The following PBRM1 variants were observed in gnomAD, a reference collection of about 807,000 sequenced individuals.
PBRM1 encodes the protein polybromo 1, also known as protein polybromo-1.
A neutral mutation model predicts 194.5 loss-of-function variants in PBRM1; 27 were observed. That is an observed-to-expected ratio of 0.14 (90% CI 0.10 to 0.19). The LOEUF is 0.19. Among genes scored for constraint, PBRM1 ranks in the 10% least tolerant of loss-of-function variants. The pLI is 1.00. For missense variants in PBRM1, 1,466 were observed against 2,077.2 expected, an observed-to-expected ratio of 0.71 and a Z score of 5.72; for synonymous variants, 655 against 693.2, an observed-to-expected ratio of 0.94 and a Z score of 0.87.
chr3:52,619,573 T>TTAG (rs1292001495), intron 13 of PBRM1, among the ~76,000 whole-genome samples: 38 of 152,168 alleles, frequency 2.5e-4, no homozygotes, highest in Non-Finnish European at 5.0e-4. Context: ...CCAACTGTAC[T>TTAG]TAGAGGTAAA....
intron 26 of PBRM1, among the ~76,000 whole-genome samples, chr3:52,556,899 C>T (rs1315055426): frequency 1.3e-5 from 2 of 151,666 alleles, no homozygotes; most frequent in African/African-American, 4.9e-5. Context: ...TGTTCTTCCC[C>T]AACAGGGAGC....
At chr3:52,652,054 A>G (rs1470551085) in intron 5 of PBRM1, among the ~76,000 whole-genome samples, 3 of 152,214 alleles carry the variant, frequency 2.0e-5, no homozygotes, top group African/African-American at 7.2e-5. Flanking sequence ...TTTGAGTGTT[A>G]TTATGCAACT....
In PBRM1 at chr3:52,586,703, G is replaced by C; in HGVS notation, c.3124-15C>G. On this transcript the variant is annotated splice_polypyrimidine_tract_variant and intron_variant, in intron 19 of 29. Transcript: ENST00000296302. Reference sequence around the variant, plus strand: ...TTAAAGTATTCCTGGGGGGTGGGGAGGGCATAAGAATAAAACTAGTTAGGT... The same window carrying C: ...TTAAAGTATTCCTGGGGGGTGGGGACGGCATAAGAATAAAACTAGTTAGGT... The C allele has an allele frequency of 1.5e-6, 2 of 1,364,944 alleles. No individual in the cohort carries two copies. Among genetic ancestry groups the C allele is most frequent in the Non-Finnish European group, 2.0e-6 (2 of 1,009,090 alleles). The allele number at this position is 1,364,944 out of a possible 1,614,324, so 84.6% of individuals were successfully genotyped here.
chr3:52,655,783 C>A (rs901020519), intron 5 of PBRM1, among the ~76,000 whole-genome samples: 7 of 152,186 alleles, frequency 4.6e-5, no homozygotes, highest in Non-Finnish European at 7.3e-5. Context: ...CTAGTCAAGA[C>A]ACACCTTTAA....
At position 52,632,426 on chromosome 3, in the gene PBRM1, A is replaced by T. The variant is rs139702588; in HGVS notation, c.1301+2176T>A. On this transcript the variant is annotated intron_variant, in intron 11 of 29. Coordinates refer to ENST00000296302, the Ensembl canonical transcript of PBRM1. Reference sequence around the variant, plus strand: ...AGACTTGGTCTCTACAAAAACATTTAAAAAAATTAGCTGGGCATGTTGGCA... The same window carrying T: ...AGACTTGGTCTCTACAAAAACATTTTAAAAAATTAGCTGGGCATGTTGGCA... Among the ~76,000 whole-genome samples the T allele has an allele frequency of 7.5e-4, 114 of 152,214 alleles. 2 individuals are homozygous for T. The East Asian group carries it at 0.02, about 27-fold the overall frequency.
intron 10 of PBRM1, among the ~76,000 whole-genome samples, chr3:52,636,016 A>G (rs1577202091): frequency 6.6e-6 from 1 of 151,384 alleles, no homozygotes; most frequent in African/African-American, 2.4e-5. Flanking sequence ...GGCATGTGCC[A>G]CCACGCCTGG....
intron 17 of PBRM1, among the ~76,000 whole-genome samples, chr3:52,598,595 T>C (rs767620819): frequency 2.0e-5 from 3 of 152,220 alleles, no homozygotes; most frequent in Admixed American, 6.5e-5. Flanking sequence ...TTATTTTTCA[T>C]TGACATATGA....
chr3:52,550,884 G>C, intron 27 of PBRM1, 67 bp from the exon 30 acceptor site: 1 of 985,354 alleles, frequency 1.0e-6, no homozygotes, highest in Non-Finnish European at 1.6e-6. Context: ...ACTACTGTCT[G>C]ATAAGAAATG....
chr3:52,648,282 C>G, intron 7 of PBRM1, 62 bp downstream of exon 8: 8 of 912,420 alleles, frequency 8.8e-6, no homozygotes, highest in African/African-American at 1.7e-5. Context: ...ATAAAAATTA[C>G]TGACCTTAAA....
At chr3:52,680,808 G>A (rs994824020), upstream of PBRM1, among the ~76,000 whole-genome samples, 1 of 152,040 alleles carries the variant, frequency 6.6e-6, no homozygotes, top group Non-Finnish European at 1.5e-5. Flanking sequence ...ACTAAGGCGT[G>A]TGCCATCACA....
intron 26 of PBRM1, among the ~76,000 whole-genome samples, chr3:52,555,350 G>A (rs2081991878): frequency 6.6e-6 from 1 of 152,142 alleles, no homozygotes; most frequent in African/African-American, 2.4e-5. Flanking sequence ...GCATAGTCCT[G>A]ATCACAAAGC....
At chr3:52,610,094 T>A in intron 15 of PBRM1, 139 bp from the exon 18 acceptor site, 1 of 510,046 alleles carries the variant, frequency 2.0e-6, no homozygotes, top group East Asian at 3.2e-5. Flanking sequence ...AAATATAACC[T>A]GCAGACAAAA....
intron 7 of PBRM1, among the ~76,000 whole-genome samples, chr3:52,647,457 A>AAAATATAT (rs1560745545): frequency 6.3e-5 from 3 of 47,880 alleles, no homozygotes; most frequent in Non-Finnish European, 6.9e-5. Context: ...AAAAAAAAAA[A>AAAATATAT]ATATATATAT....
chr3:52,589,860 C>T (rs554842128), intron 17 of PBRM1, among the ~76,000 whole-genome samples: 18 of 152,016 alleles, frequency 1.2e-4, no homozygotes, highest in African/African-American at 4.3e-4. Flanking sequence ...CGGAGTTTCG[C>T]TCTTGTTGCC....
chr3:52,588,254 C>T (rs1042346093), intron 18 of PBRM1, among the ~76,000 whole-genome samples: 6 of 152,210 alleles, frequency 3.9e-5, no homozygotes, highest in Non-Finnish European at 5.9e-5. Flanking sequence ...GCCTGGATCA[C>T]ATTTCCACCA....
chr3:52,656,004 A>C (rs922332326), intron 5 of PBRM1, among the ~76,000 whole-genome samples: 2 of 152,262 alleles, frequency 1.3e-5, no homozygotes, highest in Admixed American at 1.3e-4. Flanking sequence ...GTAGAAAAGA[A>C]GGCAGACAGA....
intron 15 of PBRM1, among the ~76,000 whole-genome samples, chr3:52,615,007 G>C (rs2094881884): frequency 6.6e-6 from 1 of 151,984 alleles, no homozygotes; most frequent in Non-Finnish European, 1.5e-5. Context: ...TTTAATTCTA[G>C]TAATTGTCAG....
rs907098904 is a variant in PBRM1, at chr3:52,664,084, C to A, written c.385-1808G>T. Among the ~76,000 whole-genome samples, 6 of 146,558 alleles carry A rather than the reference C, an allele frequency of 4.1e-5. No homozygotes were observed. The East Asian group carries it at 1.2e-3, about 30-fold the overall frequency. On this transcript the variant is annotated intron_variant, in intron 3 of 29. Transcript: ENST00000296302. ...CAAAAAAAAAAAAAAAAGTTGGGCACGGTGGCGCACACCTGTAGTCCTAGC... is the reference window on the plus strand; with the variant it reads ...CAAAAAAAAAAAAAAAAGTTGGGCAAGGTGGCGCACACCTGTAGTCCTAGC...
intron 27 of PBRM1, among the ~76,000 whole-genome samples, chr3:52,551,554 ATTG>A (rs776401076): frequency 1.3e-5 from 2 of 152,114 alleles, no homozygotes; most frequent in African/African-American, 2.4e-5. Flanking sequence ...CTCACGAGCA[ATTG>A]TTGTCTCACA....
Sources: allele counts gnomAD v4.1 joint callset (sites outside exome capture counted in the v4.1 genomes callset), GRCh38; gene constraint gnomAD v4.1.1; transcripts MANE v1.5; gene names NCBI Gene and HGNC (gene_info 2026-07-23, HGNC 2026-07-21).